CALN1: variants seen among roughly 807,000 people sequenced by gnomAD.
CALN1 encodes calneuron 1, also known as calcium-binding protein 8.
In CALN1, 17 loss-of-function variants were observed where a neutral mutation model predicts 30.6. The ratio of observed to expected loss-of-function variants is 0.56; its 90% CI spans 0.38 to 0.83. The LOEUF is 0.83. Ranked by LOEUF, CALN1 falls within the 40% of genes least tolerant of loss-of-function variation. The pLI, the probability that CALN1 is intolerant of heterozygous loss-of-function variation, is 0.00. For synonymous variants in CALN1, 156 were observed against 131.4 expected, an observed-to-expected ratio of 1.19 and a Z score of -1.28; for missense variants, 291 against 354.9, an observed-to-expected ratio of 0.82 and a Z score of 1.45.
chr7:72,194,885 T>G (rs1790882753), intron 3 of CALN1, among the ~76,000 whole-genome samples: 1 of 151,870 alleles, frequency 6.6e-6, no homozygotes, highest in Non-Finnish European at 1.5e-5. Flanking sequence ...CCTCTTGCCT[T>G]TTATTCCTCC....
At chr7:71,814,281 T>A (rs1453948204) in intron 5 of CALN1, among the ~76,000 whole-genome samples, 1 of 152,194 alleles carries the variant, frequency 6.6e-6, no homozygotes, top group Admixed American at 6.5e-5. Context: ...CACCACCATA[T>A]GTCAAGTGTG....
intron 5 of CALN1, among the ~76,000 whole-genome samples, chr7:71,929,720 T>C (rs1795450606): frequency 6.6e-6 from 1 of 152,214 alleles, no homozygotes. Flanking sequence ...GTATATGGTT[T>C]TTGTGGATGT....
chr7:72,056,695 A>G (rs11975938), intron 4 of CALN1, among the ~76,000 whole-genome samples: 2,488 of 152,294 alleles, frequency 0.016, 64 homozygotes, highest in African/African-American at 0.056. Flanking sequence ...ATATTTAGCA[A>G]TAATCTAGGA....
chr7:72,335,742 A>G (rs752657779), intron 2 of CALN1, among the ~76,000 whole-genome samples: 2 of 152,338 alleles, frequency 1.3e-5, no homozygotes, highest in Non-Finnish European at 2.9e-5. Context: ...AAGAAAAAAG[A>G]GCAGTGGGAA....
intron 3 of CALN1, among the ~76,000 whole-genome samples, chr7:72,196,128 T>C (rs933845586): frequency 7.2e-5 from 11 of 152,040 alleles, no homozygotes; most frequent in Non-Finnish European, 1.5e-5. Context: ...TCTTTTTTTT[T>C]TTTAGACAGG....
At chr7:71,817,581 T>G (rs753062216) in intron 5 of CALN1, among the ~76,000 whole-genome samples, 2 of 152,232 alleles carry the variant, frequency 1.3e-5, no homozygotes, top group Non-Finnish European at 2.9e-5. Context: ...AGTGGTGTGA[T>G]CTCAGCTCAC....
intron 2 of CALN1, among the ~76,000 whole-genome samples, chr7:72,310,506 C>A (rs1799964394): frequency 6.6e-6 from 1 of 151,632 alleles, no homozygotes; most frequent in Admixed American, 6.6e-5. Context: ...ATTGACATCA[C>A]CCTAGTGCCA....
chr7:71,954,685 A>C (rs1584600669), intron 5 of CALN1, among the ~76,000 whole-genome samples: 1 of 152,202 alleles, frequency 6.6e-6, no homozygotes, highest in African/African-American at 2.4e-5. Context: ...TTGAGAATTG[A>C]CTGTGGGATT....
chr7:71,987,992 G>A (rs1798762515), intron 5 of CALN1, among the ~76,000 whole-genome samples: 1 of 152,176 alleles, frequency 6.6e-6, no homozygotes, highest in South Asian at 2.1e-4. Context: ...GGCCGTGTCA[G>A]TCAGGCAGCA....
At chr7:71,818,370 T>G (rs1346285270) in intron 5 of CALN1, among the ~76,000 whole-genome samples, 1 of 152,026 alleles carries the variant, frequency 6.6e-6, no homozygotes, top group Non-Finnish European at 1.5e-5. Context: ...TGCAAAAGCT[T>G]GACATGTTCA....
At chr7:72,247,033 CA>C (rs1483135519) in intron 3 of CALN1, among the ~76,000 whole-genome samples, 28 of 151,874 alleles carry the variant, frequency 1.8e-4, no homozygotes, top group Non-Finnish European at 3.4e-4. Context: ...GGATTACAGG[CA>C]AGAGCCACTG....
intron 5 of CALN1, among the ~76,000 whole-genome samples, chr7:71,970,981 AAG>A (rs1391133812): frequency 6.6e-6 from 1 of 152,208 alleles, no homozygotes; most frequent in Admixed American, 6.5e-5. Context: ...GGAGGCAAGA[AAG>A]ATCCTGAAGG....
At chr7:72,398,587 T>TCAC (rs1806129094) in intron 2 of CALN1, among the ~76,000 whole-genome samples, 1 of 152,220 alleles carries the variant, frequency 6.6e-6, no homozygotes, top group Non-Finnish European at 1.5e-5. Flanking sequence ...TACCTGGGCA[T>TCAC]CACTCTAGTC....
chr7:72,237,093 T>C (rs975870946), intron 3 of CALN1, among the ~76,000 whole-genome samples: 15 of 151,764 alleles, frequency 9.9e-5, no homozygotes, highest in African/African-American at 3.4e-4. Flanking sequence ...CAAGCAATTG[T>C]CCTGCCTCAG....
chr7:71,902,262 AACCAATC>A (rs754887346), intron 5 of CALN1, among the ~76,000 whole-genome samples: 629 of 79,040 alleles, frequency 8.0e-3, no homozygotes, highest in Non-Finnish European at 9.2e-3. Context: ...CCAACCAACC[AACCAATC>A]AAAAAAAAAA....
chr7:72,228,418 A>T (rs73143237), intron 3 of CALN1, among the ~76,000 whole-genome samples: 51,908 of 151,678 alleles, frequency 0.34, 10,483 homozygotes, highest in Middle Eastern at 0.52. Flanking sequence ...ATGTGTTCTA[A>T]AACTGAATCA....
chr7:72,450,119 T>C (rs1430956431), upstream of CALN1, among the ~76,000 whole-genome samples: 3 of 151,832 alleles, frequency 2.0e-5, no homozygotes, highest in African/African-American at 7.3e-5. Flanking sequence ...GGCAGGAGGA[T>C]CACTTGATCC....
chr7:72,274,151 A>C (rs1485317979), intron 3 of CALN1, among the ~76,000 whole-genome samples: 1 of 152,196 alleles, frequency 6.6e-6, no homozygotes, highest in Non-Finnish European at 1.5e-5. Context: ...TATACAGTGG[A>C]ACATTATATA....
chr7:72,135,446 T>A (rs945568577), intron 3 of CALN1, among the ~76,000 whole-genome samples: 2 of 152,208 alleles, frequency 1.3e-5, no homozygotes, highest in Admixed American at 6.5e-5. Context: ...TTAGAAGGCA[T>A]GAAAACAACA....
Sources: gnomAD v4.1 joint callset for allele counts (sites outside exome capture counted in the v4.1 genomes callset) on GRCh38, gnomAD v4.1.1 for gene constraint, MANE v1.5 for transcripts, NCBI Gene and HGNC (gene_info 2026-07-23, HGNC 2026-07-21) for gene names.